SPOCK1: variants seen among roughly 807,000 people sequenced by gnomAD.
The protein encoded by SPOCK1 is testican-1.
In SPOCK1, 23 loss-of-function variants were observed where a neutral mutation model predicts 55.3. That is an observed-to-expected ratio of 0.42 (90% confidence interval 0.30 to 0.59). The LOEUF (loss-of-function observed/expected upper bound fraction) is 0.59. SPOCK1 is among the 20% of genes least tolerant of loss of function. The pLI is 0.22. For synonymous variants in SPOCK1, 226 were observed against 221.0 expected, an observed-to-expected ratio of 1.02 and a Z score of -0.20; for missense variants, 499 against 552.5, an observed-to-expected ratio of 0.90 and a Z score of 0.97.
chr5:137,322,729 G>A (rs940075244), intron 2 of SPOCK1, among the ~76,000 whole-genome samples: 7 of 151,732 alleles, frequency 4.6e-5, no homozygotes, highest in African/African-American at 1.7e-4. Flanking sequence ...AATCAAAAGA[G>A]GAAAAAAGGA....
At chr5:137,208,337 T>G (rs1483208896) in intron 3 of SPOCK1, among the ~76,000 whole-genome samples, 1 of 152,138 alleles carries the variant, frequency 6.6e-6, no homozygotes, top group Non-Finnish European at 1.5e-5. Flanking sequence ...ATGTTGTCCT[T>G]GTTTTTAGAG....
intron 4 of SPOCK1, among the ~76,000 whole-genome samples, chr5:137,114,876 C>T (rs994180166): frequency 6.6e-6 from 1 of 152,150 alleles, no homozygotes; most frequent in Non-Finnish European, 1.5e-5. Context: ...GCTATAAAGT[C>T]CAAAGAGTGG....
chr5:137,479,185 G>A (rs1256091489), intron 2 of SPOCK1, among the ~76,000 whole-genome samples: 6 of 152,020 alleles, frequency 3.9e-5, no homozygotes, highest in East Asian at 1.9e-4. Context: ...CTCAGGCAGC[G>A]AGCTTGTTTA....
At chr5:137,040,142 G>C (rs1252048754) in intron 6 of SPOCK1, among the ~76,000 whole-genome samples, 1 of 152,354 alleles carries the variant, frequency 6.6e-6, no homozygotes, top group South Asian at 2.1e-4. Flanking sequence ...AGGTGGTGAT[G>C]CCCGCAGAGA....
At chr5:136,983,619 CAAAAAAA>C (rs11364379) in intron 9 of SPOCK1, among the ~76,000 whole-genome samples, 1 of 135,382 alleles carries the variant, frequency 7.4e-6, no homozygotes, top group African/African-American at 2.6e-5. Flanking sequence ...CTCCTTGGAC[CAAAAAAA>C]AAAAAAAAAT....
intron 6 of SPOCK1, among the ~76,000 whole-genome samples, chr5:137,033,766 ATTTATTT>A (rs963628976): frequency 1.3e-5 from 2 of 151,898 alleles, no homozygotes; most frequent in African/African-American, 4.8e-5. Context: ...ATTAATTTTC[ATTTATTT>A]TTTATTTTTT....
chr5:137,423,737 A>G lies in SPOCK1; in HGVS notation c.186+74636T>C, dbSNP rs545186845. 3.9e-5 allele frequency among the ~76,000 whole-genome samples: 6 copies of G among 152,326 alleles called. No individual in the cohort carries two copies. The South Asian group carries it at 1.2e-3, about 32-fold the overall frequency. On this transcript the variant is annotated intron_variant, in intron 2 of 10. Transcript: ENST00000394945. ...CCTGACTCCTTGTACTTCCCGGGTAAGGCGATGCCTCGCCCTGCTTCAGCT... is the reference window on the plus strand; with the variant it reads ...CCTGACTCCTTGTACTTCCCGGGTAGGGCGATGCCTCGCCCTGCTTCAGCT...
chr5:137,100,098 T>A (rs1753234029), intron 5 of SPOCK1, among the ~76,000 whole-genome samples: 1 of 152,092 alleles, frequency 6.6e-6, no homozygotes, highest in Non-Finnish European at 1.5e-5. Context: ...CAACAACATT[T>A]CCAATGTGAT....
intron 4 of SPOCK1, among the ~76,000 whole-genome samples, chr5:137,115,329 G>A (rs1753557683): frequency 6.6e-6 from 1 of 152,016 alleles, no homozygotes; most frequent in South Asian, 2.1e-4. Context: ...GAGACACAGA[G>A]AGGAAGTGAC....
At chr5:137,110,446 G>T (rs940821345) in intron 5 of SPOCK1, among the ~76,000 whole-genome samples, 1 of 152,146 alleles carries the variant, frequency 6.6e-6, no homozygotes, top group Admixed American at 6.5e-5. Context: ...TAGGATCTGG[G>T]CCTTAAGTGA....
intron 1 of SPOCK1, among the ~76,000 whole-genome samples, 189 bp downstream of exon 1, chr5:137,498,990 G>C (rs957031494): frequency 2.6e-5 from 4 of 151,964 alleles, no homozygotes; most frequent in Middle Eastern, 3.2e-3. Flanking sequence ...AAGCGGGGTG[G>C]GGGCTGCCAG....
At chr5:137,060,447 T>C (rs1371066899) in intron 6 of SPOCK1, among the ~76,000 whole-genome samples, 2 of 152,126 alleles carry the variant, frequency 1.3e-5, no homozygotes, top group Admixed American at 6.6e-5. Context: ...AGGGCCTACC[T>C]GAGGGTTGAG....
chr5:137,104,512 T>A (rs1753329025), intron 5 of SPOCK1, among the ~76,000 whole-genome samples: 1 of 152,106 alleles, frequency 6.6e-6, no homozygotes, highest in Non-Finnish European at 1.5e-5. Context: ...AGGGTCCCCA[T>A]CCCCAAGGCC....
At chr5:137,144,019 G>A (rs1172485522) in intron 3 of SPOCK1, among the ~76,000 whole-genome samples, 2 of 152,154 alleles carry the variant, frequency 1.3e-5, no homozygotes, top group African/African-American at 4.8e-5. Context: ...TTTGGGGGCA[G>A]AATGAGACTT....
chr5:137,305,245 C>T (rs969650432), intron 2 of SPOCK1, among the ~76,000 whole-genome samples: 6 of 152,198 alleles, frequency 3.9e-5, no homozygotes, highest in Admixed American at 2.6e-4. Context: ...TAGTGGTTGT[C>T]GGCCACCCTG....
At chr5:137,388,906 G>A (rs1455684358) in intron 2 of SPOCK1, among the ~76,000 whole-genome samples, 2 of 152,202 alleles carry the variant, frequency 1.3e-5, no homozygotes, top group Non-Finnish European at 2.9e-5. Flanking sequence ...CTGCAGAAGA[G>A]AGAATTTGCC....
intron 3 of SPOCK1, among the ~76,000 whole-genome samples, chr5:137,219,196 G>A (rs1172598223): frequency 2.0e-5 from 3 of 152,184 alleles, no homozygotes; most frequent in African/African-American, 7.2e-5. Context: ...GTGTGAACCT[G>A]AATTAATGAT....
At chr5:137,129,839 G>C (rs1186674626) in intron 4 of SPOCK1, among the ~76,000 whole-genome samples, 1 of 152,180 alleles carries the variant, frequency 6.6e-6, no homozygotes, top group East Asian at 1.9e-4. Context: ...ACAATGGCTG[G>C]TTATTGTTTA....
intron 2 of SPOCK1, among the ~76,000 whole-genome samples, chr5:137,454,229 T>G (rs1335968657): frequency 6.6e-6 from 1 of 152,078 alleles, no homozygotes; most frequent in Non-Finnish European, 1.5e-5. Context: ...TAGATGGGTA[T>G]TAATGAGCTC....
Sources: gnomAD v4.1 joint callset for allele counts (sites outside exome capture counted in the v4.1 genomes callset) on GRCh38, gnomAD v4.1.1 for gene constraint, MANE v1.5 for transcripts, NCBI Gene and HGNC (gene_info 2026-07-23, HGNC 2026-07-21) for gene names.